Variants in VPS4B observed in about 807,000 individuals in gnomAD.
VPS4B encodes vacuolar protein sorting 4 homolog B.
Under a neutral mutation model 56.1 loss-of-function variants are expected in VPS4B, and 23 were observed. The observed-to-expected ratio is 0.41, with a 90% CI of 0.30 to 0.58. The LOEUF is 0.58. VPS4B is among the 20% of genes least tolerant of loss of function. The pLI, the probability that VPS4B is intolerant of heterozygous loss-of-function variation, is 0.29. For missense variants in VPS4B, 372 were observed against 531.9 expected, an observed-to-expected ratio of 0.70 and a Z score of 2.96; for synonymous variants, 177 against 186.0, an observed-to-expected ratio of 0.95 and a Z score of 0.39.
At position 63,422,296 on chromosome 18, in the gene VPS4B, G is replaced by C; in HGVS notation, c.-37C>G. ...CAGGCGGTTCCCAAGGGAACGAGGG[G>C]CGAGGAGAGCCAACAGCAGCAACGT... is the stretch of plus-strand genomic sequence containing the variant. On this transcript the variant is annotated 5_prime_UTR_variant, in exon 1 of 11. Transcript: ENST00000238497. 1 of 1,480,690 alleles carries C rather than the reference G, an allele frequency of 6.8e-7. No individual in the cohort carries two copies. The highest frequency in any genetic ancestry group is 9.0e-7 in the Non-Finnish European group (1 of 1,113,640). The allele number at this position is 1,480,690 out of a possible 1,614,324, so 91.7% of individuals were successfully genotyped here.
rs569319036 is a variant in VPS4B, at chr18:63,411,359, A to G, written c.139+108T>C. The G allele has an allele frequency of 5.0e-6, 4 of 805,350 alleles. No homozygotes were observed. In the Admixed American group the frequency reaches 1.6e-4, roughly 32 times the overall value. 49.9% of individuals were successfully genotyped at this position (805,350 alleles called of 1,614,324 possible). ...AAGTGGAGTATTTTTTTTTTTTAAC[A>G]AATGGATCGTTTAGAATTGTCTGGC... On this transcript the variant is annotated intron_variant, in intron 2 of 10. Transcript: ENST00000238497.
intron 1 of VPS4B, among the ~76,000 whole-genome samples, chr18:63,419,587 T>C (rs1042038081): frequency 5.2e-4 from 78 of 151,252 alleles, no homozygotes; most frequent in African/African-American, 1.8e-3. Flanking sequence ...TATTACAATA[T>C]ACTGTAATAA....
At chr18:63,417,508 G>A (rs968851626) in intron 1 of VPS4B, among the ~76,000 whole-genome samples, 1 of 151,976 alleles carries the variant, frequency 6.6e-6, no homozygotes, top group Non-Finnish European at 1.5e-5. Context: ...CCTTCTCAGC[G>A]TCCTTCATTG....
Position 63,403,080 on chromosome 18 carries a change from A to G in VPS4B, c.484+627T>C, listed in dbSNP as rs544825650. 8.5e-5 allele frequency among the ~76,000 whole-genome samples: 13 copies of G among 152,358 alleles called. No individual in the cohort carries two copies. In the South Asian group the frequency reaches 2.7e-3, roughly 32 times the overall value. On this transcript the variant is annotated intron_variant, in intron 5 of 10. Transcript: ENST00000238497. ...GAACTTGTAAGTTTCCCCAGATGGTAGGTCAGCAATATTCTCTTCACAGTG... is the reference window on the plus strand; with the variant it reads ...GAACTTGTAAGTTTCCCCAGATGGTGGGTCAGCAATATTCTCTTCACAGTG...
intron 8 of VPS4B, 137 bp from the exon 9 acceptor site, chr18:63,397,390 G>T: frequency 1.3e-6 from 1 of 764,848 alleles, no homozygotes; most frequent in Non-Finnish European, 2.0e-6. Flanking sequence ...ATAATATCCA[G>T]AACACATTAA....
At chr18:63,392,428 T>G (rs1326733186) in intron 10 of VPS4B, among the ~76,000 whole-genome samples, 2 of 152,132 alleles carry the variant, frequency 1.3e-5, no homozygotes, top group Non-Finnish European at 2.9e-5. Context: ...ATACAAGCAT[T>G]AGTATTTCTG....
chr18:63,396,987 C>CAA (rs35538536), intron 9 of VPS4B, 47 bp downstream of exon 9: 5,963 of 1,329,060 alleles, frequency 4.5e-3, no homozygotes, highest in African/African-American at 9.3e-3. Flanking sequence ...GAGACTGTCT[C>CAA]AAAAAAAAAA....
intron 1 of VPS4B, among the ~76,000 whole-genome samples, chr18:63,414,651 TCTCAAACTC>T (rs1916123091): frequency 6.6e-6 from 1 of 152,096 alleles, no homozygotes. Flanking sequence ...GCCAGGCTGG[TCTCAAACTC>T]CTGACCTCAG....
chr18:63,411,327 A>T, intron 2 of VPS4B, 140 bp downstream of exon 2: 1 of 564,264 alleles, frequency 1.8e-6, no homozygotes, highest in Non-Finnish European at 2.8e-6. Context: ...AAAAATCACT[A>T]GAAAGAAAGT....
intron 8 of VPS4B, among the ~76,000 whole-genome samples, chr18:63,398,733 G>A (rs1229497590): frequency 6.6e-6 from 1 of 151,438 alleles, no homozygotes; most frequent in Non-Finnish European, 1.5e-5. Flanking sequence ...TACTTGGGAG[G>A]CTGAGGCAGG....
rs71162633 is a variant in VPS4B at position 63,389,215 on chromosome 18, AATG to A, written c.*1757_*1759del. 4,822 of 152,302 alleles carry A rather than the reference AATG, an allele frequency of 0.032. 81 individuals carry two copies. The highest frequency in any genetic ancestry group is 0.039 in the African/African-American group (1,625 of 41,570). 9.4% of individuals were successfully genotyped at this position (152,302 alleles called of 1,614,324 possible). Reference sequence around the variant, plus strand: ...TTTTCATATATACATTAATAATTTTAATGATTTCTTTGTATCTAACCAATTTAG... The same window carrying A: ...TTTTCATATATACATTAATAATTTTAATTTCTTTGTATCTAACCAATTTAG... On this transcript the variant is annotated 3_prime_UTR_variant, in exon 11 of 11. Transcript: ENST00000238497.
rs1916009591 is a variant in VPS4B, at chr18:63,410,320, T to C, written c.266A>G (p.Glu89Gly). Residue 89 changes from glutamate to glycine, a missense_variant, in exon 3 of 11, where the codon GAA becomes GGA. Physicochemically the swap from Glu to Gly is moderately conservative, Grantham distance 98 (BLOSUM62 -2). This residue lies in a region of VPS4B where 153 missense variants were observed against 190.3 expected (regional missense o/e 0.80). Transcript: ENST00000238497. ...KEKKAQKPVK[E>G]GQPSPADEKG... ...CTCATCTGCTGGACTCGGCTGTCCT[T>C]CTTTCACTGGCTTCTGTGCTTTTTT... is the stretch of plus-strand genomic sequence containing the variant. The C allele has an allele frequency of 6.2e-7, 1 of 1,613,934 alleles. No individual in the cohort carries two copies. The highest frequency in any genetic ancestry group is 8.5e-7 in the Non-Finnish European group (1 of 1,179,994).
chr18:63,414,094 G>C (rs1387884007), intron 1 of VPS4B, among the ~76,000 whole-genome samples: 1 of 152,176 alleles, frequency 6.6e-6, no homozygotes, highest in Non-Finnish European at 1.5e-5. Flanking sequence ...CTGGGTGACA[G>C]AGTGAGGCCA....
At chr18:63,400,409 G>T in intron 6 of VPS4B, 138 bp downstream of exon 6, 1 of 1,122,970 alleles carries the variant, frequency 8.9e-7, no homozygotes, top group Admixed American at 3.2e-5. Flanking sequence ...CTAGATTAGA[G>T]ACTGATTTGA....
Position 63,403,746 on chromosome 18 carries a change from C to T in VPS4B, c.445G>A (p.Ala149Thr). 3 of 1,613,170 alleles carry T rather than the reference C, an allele frequency of 1.9e-6. No homozygotes were observed. Among genetic ancestry groups the T allele is most frequent in the Non-Finnish European group, 2.5e-6 (3 of 1,179,474 alleles). The part of the protein sequence containing the change: ...LEGAKEALKE[A>T]VILPIKFPHL... ...GGAAATTTAATAGGCAGTATCACAG[C>T]CTCTTTCAGTGCTTCTTTGGCTCCT... is the stretch of plus-strand genomic sequence containing the variant. Residue 149 changes from alanine to threonine, a missense_variant, in exon 5 of 11, where the codon GCT becomes ACT. Coordinates refer to ENST00000238497, the MANE Select transcript of VPS4B (RefSeq NM_004869.4).
chr18:63,397,325 AAGTT>A, intron 8 of VPS4B, 72 bp from the exon 9 acceptor site: 4 of 1,387,130 alleles, frequency 2.9e-6, no homozygotes, highest in Non-Finnish European at 3.9e-6. Context: ...AACAGATACT[AAGTT>A]AAGTGGGCCT....
chr18:63,417,767 A>C (rs992814360), intron 1 of VPS4B, among the ~76,000 whole-genome samples: 2 of 152,038 alleles, frequency 1.3e-5, no homozygotes, highest in Non-Finnish European at 2.9e-5. Context: ...ATATTCCCAG[A>C]GTCTAGCACA....
intron 9 of VPS4B, among the ~76,000 whole-genome samples, chr18:63,393,903 A>G (rs1428802189): frequency 1.3e-5 from 2 of 151,228 alleles, no homozygotes; most frequent in Non-Finnish European, 1.5e-5. Flanking sequence ...CACCCAGCTA[A>G]TTTTTTTTTA....
At chr18:63,422,206 AG>A (rs1916319755) in intron 1 of VPS4B, 26 bp downstream of exon 1, 2 of 1,481,632 alleles carry the variant, frequency 1.3e-6, no homozygotes, top group Non-Finnish European at 1.8e-6. Flanking sequence ...CCAGCTCCCT[AG>A]GGGGACGGGA....
Sources: allele counts gnomAD v4.1 joint callset (sites outside exome capture counted in the v4.1 genomes callset), GRCh38; gene constraint gnomAD v4.1.1; regional missense constraint gnomAD v4.1.1; transcripts MANE v1.5; gene names NCBI Gene and HGNC (gene_info 2026-07-23, HGNC 2026-07-21).